The following TAL1 variants were observed in gnomAD, a reference collection of about 807,000 sequenced individuals.
TAL1 encodes the protein TAL bHLH transcription factor 1, erythroid differentiation factor.
TAL1 carries 8 observed loss-of-function variants against 17.9 expected under a neutral mutation model. The observed-to-expected ratio is 0.45, with a 90% CI of 0.26 to 0.81. The LOEUF (loss-of-function observed/expected upper bound fraction) is 0.81. Ranked by LOEUF, TAL1 falls within the 30% of genes least tolerant of loss-of-function variation. TAL1 has a pLI of 0.17. For synonymous variants in TAL1, 223 were observed against 218.6 expected, an observed-to-expected ratio of 1.02 and a Z score of -0.18; for missense variants, 466 against 486.9, an observed-to-expected ratio of 0.96 and a Z score of 0.40.
exon 4 of TAL1, chr1:47,216,864 T>C (rs1645505491): frequency 4.3e-6 from 1 of 231,778 alleles, no homozygotes; most frequent in Admixed American, 5.6e-5. Context: ...TTGCCAGTTT[T>C]TCATGGGTAA....
At chr1:47,229,066 G>C (rs894419250) in intron 1 of TAL1, 130 bp downstream of exon 2, 1 of 152,960 alleles carries the variant, frequency 6.5e-6, no homozygotes, top group Non-Finnish European at 1.5e-5. Flanking sequence ...AGCTCTGGCT[G>C]GTCCTCCCCT....
exon 4 of TAL1, chr1:47,216,330 A>G (rs1214169322): frequency 4.6e-6 from 1 of 217,188 alleles, no homozygotes; most frequent in Non-Finnish European, 9.3e-6. Context: ...TTCCCGATAC[A>G]TCCTCACATA....
chr1:47,220,151 G>A (rs1221950729), exon 4 of TAL1: 3 of 1,581,502 alleles, frequency 1.9e-6, no homozygotes, highest in African/African-American at 1.3e-5. Flanking sequence ...GTGAAGATAC[G>A]CCGCACAACT....
In TAL1 at chr1:47,225,837, C is replaced by CCT; in HGVS notation, c.50_51dup (p.Gly18ArgfsTer18). On this transcript the variant is annotated frameshift_variant, in exon 2 of 4. Transcript: ENST00000294339. LOFTEE classifies it high-confidence loss of function. Reference sequence around the variant, plus strand: ...ATGCTGGCCTCGGCCGCGTCCCGTCCCTCTAGCTGGGGGTCACTGCGAGCC... The same window carrying CCT: ...ATGCTGGCCTCGGCCGCGTCCCGTCCCTCTCTAGCTGGGGGTCACTGCGAGCC... The CCT allele has an allele frequency of 6.3e-7, 1 of 1,583,452 alleles. No homozygotes were observed. The highest frequency in any genetic ancestry group is 8.5e-7 in the Non-Finnish European group (1 of 1,173,180).
At chr1:47,226,551 C>T (rs762599835) in intron 1 of TAL1, among the ~76,000 whole-genome samples, 2 of 152,214 alleles carry the variant, frequency 1.3e-5, no homozygotes, top group African/African-American at 2.4e-5. Flanking sequence ...CACACATTCG[C>T]CCCCGCTGGG....
intron 2 of TAL1, among the ~76,000 whole-genome samples, chr1:47,225,036 C>T (rs1453210106): frequency 6.6e-6 from 1 of 151,754 alleles, no homozygotes; most frequent in Non-Finnish European, 1.5e-5. Flanking sequence ...ACACCACAAA[C>T]ATCTACCTCT....
intron 1 of TAL1, chr1:47,226,266 C>T (rs1365987902): frequency 2.3e-5 from 5 of 216,856 alleles, no homozygotes; most frequent in African/African-American, 4.6e-5. Flanking sequence ...ATTACTCTGT[C>T]CCCTTTCTCA....
At chr1:47,232,289 G>C (rs377584029), upstream of TAL1, 13 of 122,084 alleles carry the variant, frequency 1.1e-4, no homozygotes, top group South Asian at 3.9e-3. Context: ...CCCCTCCACC[G>C]ACGCGCTGTA....
chr1:47,220,185 G>C lies in TAL1; in HGVS notation c.542-11C>G, dbSNP rs765892519. 1.3e-6 allele frequency: 2 copies of C among 1,539,294 alleles called. No homozygotes were observed. Among genetic ancestry groups the C allele is most frequent in the Non-Finnish European group, 8.8e-7 (1 of 1,137,452 alleles). ...CTTTGGTGTGGGGACCTGGAGATTA[G>C]GAGGACAAGAGTTAGGAGAATGGGC... On this transcript the variant is annotated splice_polypyrimidine_tract_variant and intron_variant, in intron 3 of 3. Transcript: ENST00000294339.
rs1643753410 is a variant in TAL1 at position 47,220,186 on chromosome 1, G to A, written c.542-12C>T. 8 of 1,529,942 alleles carry A rather than the reference G, an allele frequency of 5.2e-6. No homozygotes were observed. The highest frequency in any genetic ancestry group is 7.1e-6 in the Non-Finnish European group (8 of 1,133,588). The allele number at this position is 1,529,942 out of a possible 1,614,324, so 94.8% of individuals were successfully genotyped here. A position where few individuals can be genotyped will look rare whatever the true frequency, so the allele number is the denominator to read the frequency against. ...TTTGGTGTGGGGACCTGGAGATTAG[G>A]AGGACAAGAGTTAGGAGAATGGGCT... On this transcript the variant is annotated splice_polypyrimidine_tract_variant and intron_variant, in intron 3 of 3. Coordinates refer to ENST00000294339, the Ensembl canonical transcript of TAL1.
exon 4 of TAL1, chr1:47,218,571 T>C (rs2148583461): frequency 4.3e-6 from 1 of 233,004 alleles, no homozygotes; most frequent in South Asian, 1.8e-4. Context: ...TGTGCATATG[T>C]TTGGGTCTTA....
At chr1:47,226,557 C>T (rs762506764) in intron 1 of TAL1, among the ~76,000 whole-genome samples, 5 of 152,218 alleles carry the variant, frequency 3.3e-5, no homozygotes, top group Non-Finnish European at 5.9e-5. Flanking sequence ...TTCGCCCCCG[C>T]TGGGGAGTGA....
exon 2 of TAL1, chr1:47,225,859 A>G: frequency 6.3e-7 from 1 of 1,584,144 alleles, no homozygotes; most frequent in Non-Finnish European, 8.5e-7. Flanking sequence ...GGTCACTGCG[A>G]GCCGCCTCGC....
exon 3 of TAL1, chr1:47,224,081 G>A (rs771156250): frequency 5.6e-6 from 9 of 1,613,800 alleles, no homozygotes; most frequent in South Asian, 2.2e-5. Flanking sequence ...GAAGGCATCC[G>A]GCTCCCCAAA....
exon 4 of TAL1, chr1:47,220,074 G>T: frequency 6.2e-7 from 1 of 1,613,904 alleles, no homozygotes. Context: ...GATGTGTGGG[G>T]ATCAGCTTGC....
chr1:47,224,590 C>T (rs1643880071), intron 2 of TAL1, among the ~76,000 whole-genome samples: 1 of 152,134 alleles, frequency 6.6e-6, no homozygotes. Flanking sequence ...CCCCTCTCCC[C>T]ACCTCACCCC....
exon 4 of TAL1, chr1:47,219,646 C>T (rs763692232): frequency 6.3e-7 from 1 of 1,587,834 alleles, no homozygotes; most frequent in Admixed American, 1.7e-5. Flanking sequence ...CAATTCTCAC[C>T]CCACCTGCCC....
intron 3 of TAL1, among the ~76,000 whole-genome samples, chr1:47,221,693 AG>A (rs1477691262): frequency 6.6e-6 from 1 of 152,138 alleles, no homozygotes; most frequent in Non-Finnish European, 1.5e-5. Context: ...GTGAAAACCG[AG>A]GTAGAGGAGA....
At chr1:47,218,111 A>T (rs1645535829) in exon 4 of TAL1, 1 of 252,408 alleles carries the variant, frequency 4.0e-6, no homozygotes, top group Admixed American at 5.5e-5. Flanking sequence ...GGGGCTTTCC[A>T]GACAGCCACA....
Sources: allele counts gnomAD v4.1 joint callset (sites outside exome capture counted in the v4.1 genomes callset), GRCh38; gene constraint gnomAD v4.1.1; transcripts MANE v1.5; gene names NCBI Gene and HGNC (gene_info 2026-07-23, HGNC 2026-07-21).